The following TSPAN13 variants were observed in gnomAD, a reference collection of about 807,000 sequenced individuals.
The protein encoded by TSPAN13 is tetraspanin 13, also known as tetraspanin-13.
A neutral mutation model predicts 26.9 loss-of-function variants in TSPAN13; 18 were observed. The observed-to-expected ratio is 0.67, with a 90% CI of 0.46 to 0.99. The LOEUF is 0.99. TSPAN13 is among the 50% of genes least tolerant of loss of function. The pLI is 0.00. For missense variants in TSPAN13, 201 were observed against 249.6 expected, an observed-to-expected ratio of 0.81 and a Z score of 1.31; for synonymous variants, 116 against 98.4, an observed-to-expected ratio of 1.18 and a Z score of -1.06.
Position 16,753,911 on chromosome 7 carries a change from G to A in TSPAN13, c.-57G>A, listed in dbSNP as rs1784451148. 2.6e-6 allele frequency: 4 copies of A among 1,566,066 alleles called. No individual in the cohort carries two copies. Among genetic ancestry groups the A allele is most frequent in the South Asian group, 2.3e-5 (2 of 86,544 alleles). ...AAAGGCAAGGACAAAGCAGCTGTCA[G>A]GGAACCTCCGCCGGAGTCGAATTTA... On this transcript the variant is annotated 5_prime_UTR_variant, in exon 1 of 6. Coordinates refer to ENST00000262067, the MANE Select transcript of TSPAN13 (RefSeq NM_014399.4).
intron 1 of TSPAN13, among the ~76,000 whole-genome samples, chr7:16,766,357 C>A (rs572748515): frequency 6.6e-6 from 1 of 152,312 alleles, no homozygotes; most frequent in Non-Finnish European, 1.5e-5. Flanking sequence ...TCTATGTTTT[C>A]TTTCACCTTT....
At chr7:16,779,411 T>C (rs1292130042) in intron 5 of TSPAN13, among the ~76,000 whole-genome samples, 1 of 152,204 alleles carries the variant, frequency 6.6e-6, no homozygotes, top group African/African-American at 2.4e-5. Flanking sequence ...TGATGAATTA[T>C]AATTTTAAAT....
chr7:16,770,332 A>C (rs1271440253), intron 1 of TSPAN13, among the ~76,000 whole-genome samples: 1 of 151,862 alleles, frequency 6.6e-6, no homozygotes, highest in Non-Finnish European at 1.5e-5. Flanking sequence ...CAGCCTCCCA[A>C]GTAGCTGGGA....
chr7:16,776,891 G>A, intron 2 of TSPAN13, 151 bp from the exon 3 acceptor site: 2 of 466,416 alleles, frequency 4.3e-6, no homozygotes, highest in Non-Finnish European at 3.8e-6. Context: ...ATAATAATAT[G>A]TGTATCCTTT....
At chr7:16,768,661 G>C (rs1784637539) in intron 1 of TSPAN13, among the ~76,000 whole-genome samples, 1 of 152,076 alleles carries the variant, frequency 6.6e-6, no homozygotes, top group Non-Finnish European at 1.5e-5. Context: ...CTTTTAAGTT[G>C]TGCTTAAAGT....
intron 1 of TSPAN13, among the ~76,000 whole-genome samples, chr7:16,774,464 T>G (rs996219015): frequency 3.3e-5 from 5 of 152,214 alleles, no homozygotes; most frequent in African/African-American, 1.2e-4. Context: ...TCCTTCAGGC[T>G]TCTGTCTTTT....
chr7:16,771,009 T>A (rs1336740315), intron 1 of TSPAN13, among the ~76,000 whole-genome samples: 1 of 152,192 alleles, frequency 6.6e-6, no homozygotes, highest in East Asian at 1.9e-4. Context: ...AAATACAGCT[T>A]TTTGGAGATC....
Position 16,783,652 on chromosome 7 carries a change from T to A in TSPAN13, c.*161T>A, listed in dbSNP as rs1025463319. ...TTTTACTCTATGTTTCTCTACATGT[T>A]TTTTTCTTTCCGTTGCTGAAAAATA... On this transcript the variant is annotated 3_prime_UTR_variant, in exon 6 of 6. Transcript: ENST00000262067. 5 of 701,806 alleles carry A rather than the reference T, an allele frequency of 7.1e-6. No homozygotes were observed. Among genetic ancestry groups the A allele is most frequent in the Non-Finnish European group, 1.2e-5 (5 of 428,126 alleles). The allele number at this position is 701,806 out of a possible 1,614,324, so 43.5% of individuals were successfully genotyped here. A position where few individuals can be genotyped will look rare whatever the true frequency, so the allele number is the denominator to read the frequency against.
intron 2 of TSPAN13, 108 bp downstream of exon 2, chr7:16,776,486 A>AG (rs1169464763): frequency 9.7e-7 from 1 of 1,026,358 alleles, no homozygotes; most frequent in Non-Finnish European, 1.4e-6. Flanking sequence ...ACTCCAAGCA[A>AG]GCCTTATGCA....
At chr7:16,774,404 G>C (rs1463295265) in intron 1 of TSPAN13, among the ~76,000 whole-genome samples, 1 of 152,198 alleles carries the variant, frequency 6.6e-6, no homozygotes, top group African/African-American at 2.4e-5. Flanking sequence ...AGGATGCTAA[G>C]CATAGCCCTC....
At chr7:16,766,258 G>A (rs992138178) in intron 1 of TSPAN13, among the ~76,000 whole-genome samples, 2 of 152,184 alleles carry the variant, frequency 1.3e-5, no homozygotes, top group African/African-American at 4.8e-5. Context: ...GTGTTCATTA[G>A]AAAATTGATT....
At chr7:16,777,226 A>G (rs1023386925) in intron 3 of TSPAN13, 104 bp downstream of exon 3, 3 of 796,654 alleles carry the variant, frequency 3.8e-6, no homozygotes, top group African/African-American at 1.7e-5. Flanking sequence ...CTTGCACAGA[A>G]TGCCACCTTC....
chr7:16,758,308 A>T (rs1408189439), intron 1 of TSPAN13, among the ~76,000 whole-genome samples: 1 of 152,182 alleles, frequency 6.6e-6, no homozygotes, highest in Non-Finnish European at 1.5e-5. Flanking sequence ...TTATGAAGAA[A>T]ACTGAAACTT....
Position 16,783,408 on chromosome 7 carries a change from C to G in TSPAN13, c.541-9C>G. On this transcript the variant is annotated splice_polypyrimidine_tract_variant and intron_variant, in intron 5 of 5. Coordinates refer to ENST00000262067, the MANE Select transcript of TSPAN13 (RefSeq NM_014399.4). Reference sequence around the variant, plus strand: ...TTTTCTTTACTTTATTTTTTTTTCCCCATTCCAGATCCTGGGTGTTTGGCT... The same window carrying G: ...TTTTCTTTACTTTATTTTTTTTTCCGCATTCCAGATCCTGGGTGTTTGGCT... 6.2e-7 allele frequency: 1 copy of G among 1,610,454 alleles called. No homozygotes were observed. The highest frequency in any genetic ancestry group is 8.5e-7 in the Non-Finnish European group (1 of 1,178,470).
chr7:16,773,334 T>G (rs1185532124), intron 1 of TSPAN13, among the ~76,000 whole-genome samples: 1 of 122,698 alleles, frequency 8.2e-6, no homozygotes, highest in East Asian at 2.3e-4. Context: ...CATTTTTGAA[T>G]GTTAAAAAAA....
At chr7:16,759,312 G>A (rs1384211356) in intron 1 of TSPAN13, among the ~76,000 whole-genome samples, 1 of 152,142 alleles carries the variant, frequency 6.6e-6, no homozygotes, top group African/African-American at 2.4e-5. Context: ...TACTTCTGGT[G>A]AGGGCCCCAG....
At chr7:16,772,751 T>G (rs898881744) in intron 1 of TSPAN13, among the ~76,000 whole-genome samples, 12 of 152,130 alleles carry the variant, frequency 7.9e-5, no homozygotes, top group Non-Finnish European at 1.5e-4. Context: ...ATCCCAGCAA[T>G]TTGGGAGGCC....
intron 1 of TSPAN13, among the ~76,000 whole-genome samples, chr7:16,758,225 GA>G (rs1428373185): frequency 9.2e-5 from 14 of 152,212 alleles, no homozygotes; most frequent in Admixed American, 3.9e-4. Context: ...TTTATGGGAA[GA>G]AAATTCTGTT....
intron 5 of TSPAN13, 146 bp downstream of exon 5, chr7:16,779,262 T>G (rs935664015): frequency 8.4e-6 from 5 of 598,706 alleles, no homozygotes; most frequent in Non-Finnish European, 1.4e-5. Context: ...AATCAGAAGA[T>G]CTTACAAGTC....
Sources: gnomAD v4.1 joint callset for allele counts (sites outside exome capture counted in the v4.1 genomes callset) on GRCh38, gnomAD v4.1.1 for gene constraint, MANE v1.5 for transcripts, NCBI Gene and HGNC (gene_info 2026-07-23, HGNC 2026-07-21) for gene names.